TNKS: variants seen among roughly 807,000 people sequenced by gnomAD.
TNKS encodes tankyrase.
In TNKS, 72 loss-of-function variants were observed where a neutral mutation model predicts 135.8. The ratio of observed to expected loss-of-function variants is 0.53; its 90% CI spans 0.44 to 0.64. The LOEUF (loss-of-function observed/expected upper bound fraction) is 0.64. Ranked by LOEUF, TNKS falls within the 30% of genes least tolerant of loss-of-function variation. TNKS has a pLI of 0.00. For synonymous variants in TNKS, 849 were observed against 649.3 expected (o/e 1.31, Z -4.68); for missense variants, 1,769 against 1,674.0 (o/e 1.06, Z -0.99).
chr8:9,686,159 A>T (rs1447691763), intron 5 of TNKS, among the ~76,000 whole-genome samples: 1 of 152,172 alleles, frequency 6.6e-6, no homozygotes, highest in Non-Finnish European at 1.5e-5. Context: ...CACGCCCCTG[A>T]GTTGGCCTGG....
At chr8:9,735,164 C>T in intron 16 of TNKS, 80 bp downstream of exon 16, 3 of 1,414,646 alleles carry the variant, frequency 2.1e-6, no homozygotes, top group South Asian at 1.4e-5. Context: ...GAAAGCCATG[C>T]TGAACACAAA....
At chr8:9,719,434 CA>C (rs1804760485) in intron 11 of TNKS, among the ~76,000 whole-genome samples, 1 of 152,110 alleles carries the variant, frequency 6.6e-6, no homozygotes, top group African/African-American at 2.4e-5. Flanking sequence ...CTCATATTCT[CA>C]ATAACCTTAG....
intron 2 of TNKS, among the ~76,000 whole-genome samples, chr8:9,603,236 A>G (rs904427726): frequency 2.6e-5 from 4 of 152,108 alleles, no homozygotes; most frequent in African/African-American, 9.7e-5. Flanking sequence ...TATTTTGGGT[A>G]GAGACAGGTT....
intron 26 of TNKS, among the ~76,000 whole-genome samples, chr8:9,772,809 TTGTGTGTGTGTGTGTGTGTGTC>T (rs1250678489): frequency 1.1e-3 from 97 of 86,684 alleles, no homozygotes; most frequent in African/African-American, 2.5e-3. Flanking sequence ...GTGTGTGTGT[TTGTGTGTGTGTGTGTGTGTGTC>T]TGTGTGTGTG....
chr8:9,603,847 C>G (rs1190575174), intron 2 of TNKS, among the ~76,000 whole-genome samples: 1 of 151,894 alleles, frequency 6.6e-6, no homozygotes, highest in Non-Finnish European at 1.5e-5. Flanking sequence ...ACTCATCACT[C>G]TTTTTGTGTC....
At chr8:9,598,765 G>GTGTATATATATATATA (rs1449352201) in intron 2 of TNKS, among the ~76,000 whole-genome samples, 1 of 49,630 alleles carries the variant, frequency 2.0e-5, no homozygotes, top group Non-Finnish European at 3.8e-5. Flanking sequence ...ATGTGTGTGT[G>GTGTATATATATATATA]TATATATATA....
At chr8:9,744,261 A>C (rs566796613) in intron 17 of TNKS, among the ~76,000 whole-genome samples, 6 of 152,334 alleles carry the variant, frequency 3.9e-5, no homozygotes, top group Non-Finnish European at 8.8e-5. Flanking sequence ...CTTTTCTGCT[A>C]AGTCAGTAAA....
intron 3 of TNKS, among the ~76,000 whole-genome samples, chr8:9,672,616 G>T (rs1156280865): frequency 8.2e-6 from 1 of 122,342 alleles, no homozygotes; most frequent in Admixed American, 9.9e-5. Flanking sequence ...TACTTTTCCT[G>T]ATTTAAATCA....
intron 2 of TNKS, among the ~76,000 whole-genome samples, chr8:9,587,782 A>G (rs1256344255): frequency 6.6e-6 from 1 of 152,196 alleles, no homozygotes; most frequent in African/African-American, 2.4e-5. Flanking sequence ...TGTTGTTGTT[A>G]TTGTTTTAAA....
intron 3 of TNKS, among the ~76,000 whole-genome samples, chr8:9,649,300 T>C (rs11785458): frequency 0.59 from 89,532 of 151,964 alleles, 26,753 homozygotes; most frequent in Middle Eastern, 0.7. Context: ...GCAAATAACT[T>C]ATTTTCTTGT....
At position 9,777,530 on chromosome 8, in the gene TNKS, A is replaced by C. The variant is rs1257446959; in HGVS notation, c.*794A>C. 6.6e-6 allele frequency: 1 copy of C among 152,184 alleles called. No homozygotes were observed. Among genetic ancestry groups the C allele is most frequent in the Non-Finnish European group, 1.5e-5 (1 of 68,068 alleles). The allele number at this position is 152,184 out of a possible 1,614,324, so 9.4% of individuals were successfully genotyped here. The stretch of plus-strand genomic sequence containing the variant: ...GAAGGCCACTTGCTCTTTCCAACAC[A>C]AGCCTGCCACAGAGGTCTTCGGGAC... On this transcript the variant is annotated 3_prime_UTR_variant, in exon 27 of 27. Coordinates refer to ENST00000310430, the MANE Select transcript of TNKS (RefSeq NM_003747.3).
chr8:9,621,688 T>G (rs1259630934), intron 3 of TNKS, among the ~76,000 whole-genome samples: 1 of 152,220 alleles, frequency 6.6e-6, no homozygotes, highest in Non-Finnish European at 1.5e-5. Context: ...TAATACATGT[T>G]TTACTGTCAG....
chr8:9,719,741 A>T (rs924869314), intron 11 of TNKS, among the ~76,000 whole-genome samples: 1 of 152,188 alleles, frequency 6.6e-6, no homozygotes, highest in African/African-American at 2.4e-5. Context: ...CAGATTAAGA[A>T]CATGATGCCA....
At chr8:9,588,099 T>C (rs1798456019) in intron 2 of TNKS, among the ~76,000 whole-genome samples, 1 of 152,154 alleles carries the variant, frequency 6.6e-6, no homozygotes, top group Non-Finnish European at 1.5e-5. Context: ...CTGAAGTATT[T>C]TGAGATTTGG....
At chr8:9,719,005 G>C (rs1804739046) in intron 11 of TNKS, among the ~76,000 whole-genome samples, 1 of 152,174 alleles carries the variant, frequency 6.6e-6, no homozygotes, top group Non-Finnish European at 1.5e-5. Context: ...CACAATTTTA[G>C]ATTTTTCTTT....
intron 11 of TNKS, among the ~76,000 whole-genome samples, chr8:9,717,180 T>C (rs1222112887): frequency 2.7e-5 from 4 of 147,482 alleles, no homozygotes; most frequent in African/African-American, 7.5e-5. Context: ...AGCTAGCAAA[T>C]AGAAATCCAG....
chr8:9,639,211 C>CT lies in TNKS; in HGVS notation c.994+23536dup, dbSNP rs554732195. 4.8e-3 allele frequency among the ~76,000 whole-genome samples: 730 copies of CT among 152,184 alleles called. 6 individuals carry two copies. Among genetic ancestry groups the CT allele is most frequent in the Middle Eastern group, 0.017 (5 of 294 alleles). ...AGTACTACCTTGTAAATTCTTGAAGCTTAAGAATTCAGGAAAACTCGTTTA... is the reference window on the plus strand; with the variant it reads ...AGTACTACCTTGTAAATTCTTGAAGCTTTAAGAATTCAGGAAAACTCGTTTA... On this transcript the variant is annotated intron_variant, in intron 3 of 26. Transcript: ENST00000310430.
intron 2 of TNKS, among the ~76,000 whole-genome samples, chr8:9,588,082 A>G (rs949014778): frequency 6.6e-6 from 1 of 152,206 alleles, no homozygotes; most frequent in Middle Eastern, 3.2e-3. Context: ...TGCTTAAATG[A>G]TTGTTTCTGA....
intron 2 of TNKS, among the ~76,000 whole-genome samples, chr8:9,608,141 A>G (rs145140959): frequency 6.1e-4 from 93 of 152,144 alleles, no homozygotes; most frequent in African/African-American, 1.6e-3. Flanking sequence ...AGGTCTCCCT[A>G]TGTTGCCCAG....
Sources: allele counts gnomAD v4.1 joint callset (sites outside exome capture counted in the v4.1 genomes callset), GRCh38; gene constraint gnomAD v4.1.1; transcripts MANE v1.5; gene names NCBI Gene and HGNC (gene_info 2026-07-23, HGNC 2026-07-21).